LMAN2: variants seen among roughly 807,000 people sequenced by gnomAD.
LMAN2 encodes lectin, mannose binding 2.
In LMAN2, 22 loss-of-function variants were observed where a neutral mutation model predicts 39.3. The observed-to-expected ratio is 0.56, with a 90% CI of 0.40 to 0.80. The LOEUF (loss-of-function observed/expected upper bound fraction) is 0.80, where lower values mean the gene tolerates loss of function less well. LMAN2 is among the 30% of genes least tolerant of loss of function. LMAN2 has a pLI of 0.00. For synonymous variants in LMAN2, 207 were observed against 207.8 expected, an observed-to-expected ratio of 1.00 and a Z score of 0.03; for missense variants, 494 against 505.4, an observed-to-expected ratio of 0.98 and a Z score of 0.22.
At chr5:177,346,408 AC>A in intron 2 of LMAN2, 1 of 716,504 alleles carries the variant, frequency 1.4e-6, no homozygotes, top group Non-Finnish European at 1.9e-6. Context: ...GGTGGAAGTC[AC>A]CATTGCAGAT....
chr5:177,338,405 A>C, intron 3 of LMAN2, 83 bp downstream of exon 3: 1 of 1,095,382 alleles, frequency 9.1e-7, no homozygotes, highest in Non-Finnish European at 1.4e-6. Flanking sequence ...AGCCACAGGC[A>C]GCCCCACCCC....
intron 2 of LMAN2, among the ~76,000 whole-genome samples, chr5:177,342,502 C>A (rs1476097848): frequency 6.6e-6 from 1 of 151,964 alleles, no homozygotes; most frequent in Admixed American, 6.6e-5. Context: ...CCAGGCAACA[C>A]GGTGAAAACC....
intron 6 of LMAN2, among the ~76,000 whole-genome samples, chr5:177,335,902 G>A (rs944864808): frequency 4.6e-5 from 7 of 152,158 alleles, no homozygotes; most frequent in African/African-American, 1.4e-4. Flanking sequence ...CCTGCTCAGG[G>A]CCCCAAAGAG....
Position 177,332,152 on chromosome 5 carries a change from A to C in LMAN2, c.1005T>G (p.Val335=). 1 of 1,613,600 alleles carries C rather than the reference A, an allele frequency of 6.2e-7. No homozygotes were observed. Among genetic ancestry groups the C allele is most frequent in the Non-Finnish European group, 8.5e-7 (1 of 1,179,938 alleles). ...CCACGGCCCCCACCACGGCGCAGACAACGATGCCCAGGAGAGCGCACAGCA... is the reference window on the plus strand; with the variant it reads ...CCACGGCCCCCACCACGGCGCAGACCACGATGCCCAGGAGAGCGCACAGCA... ...LLLLCALLGI[V]VCAVVGAVVF... The change falls in exon 8 of 8, where the codon GTT becomes GTG. Residue 335 remains valine (V), a synonymous_variant. Coordinates refer to ENST00000303127, the MANE Select transcript of LMAN2 (RefSeq NM_006816.3). This position sits in a 1 kb window ranked among gnomAD's most constrained non-coding sequence, Gnocchi z 6.3.
intron 6 of LMAN2, among the ~76,000 whole-genome samples, chr5:177,335,795 C>CA (rs1306885467): frequency 6.6e-6 from 1 of 152,216 alleles, no homozygotes; most frequent in African/African-American, 2.4e-5. Context: ...GGGCAGACTA[C>CA]AGGCCCTGGA....
In LMAN2 at chr5:177,331,870, A is replaced by T; in HGVS notation, c.*216T>A. 1 of 520,762 alleles carries T rather than the reference A, an allele frequency of 1.9e-6. No homozygotes were observed. The highest frequency in any genetic ancestry group is 3.4e-6 in the Non-Finnish European group (1 of 297,438). 32.3% of individuals were successfully genotyped at this position (520,762 alleles called of 1,614,324 possible). A position where few individuals can be genotyped will look rare whatever the true frequency, so the allele number is the denominator to read the frequency against. On this transcript the variant is annotated 3_prime_UTR_variant, in exon 8 of 8. Coordinates refer to ENST00000303127, the MANE Select transcript of LMAN2 (RefSeq NM_006816.3). ...GCTCCTGAGACACCAGCCCCAGGAG[A>T]GCCTCCGTCTCCAGCTGTGGGGGGT...
rs769801427 is a variant in LMAN2 at position 177,342,707 on chromosome 5, CA to C, written c.316-4103del. Among the ~76,000 whole-genome samples the C allele has an allele frequency of 5.4e-5, 8 of 148,458 alleles. No individual in the cohort carries two copies. The South Asian group carries it at 1.5e-3, about 28-fold the overall frequency. The stretch of plus-strand genomic sequence containing the variant: ...CCTCAAAAAACAATAAACAAACCAA[CA>C]AAAAAACCCTTTAAAACTCTTAGAA... On this transcript the variant is annotated intron_variant, in intron 2 of 7. Transcript: ENST00000303127.
chr5:177,340,990 T>C (rs1418472944), intron 2 of LMAN2, among the ~76,000 whole-genome samples: 2 of 151,420 alleles, frequency 1.3e-5, no homozygotes, highest in Non-Finnish European at 1.5e-5. Context: ...CTCCTGACCT[T>C]GTGATCCGCC....
At chr5:177,341,777 TAA>T (rs1761557423) in intron 2 of LMAN2, among the ~76,000 whole-genome samples, 1 of 152,202 alleles carries the variant, frequency 6.6e-6, no homozygotes, top group Non-Finnish European at 1.5e-5. Flanking sequence ...TTGTGTGATT[TAA>T]AACAGAAATA....
chr5:177,345,846 C>T (rs1487162793), intron 2 of LMAN2, among the ~76,000 whole-genome samples: 4 of 152,060 alleles, frequency 2.6e-5, no homozygotes, highest in East Asian at 3.8e-4. Flanking sequence ...CAGCTCTCTG[C>T]TACTTCTGCC....
chr5:177,332,818 C>A lies in LMAN2; in HGVS notation c.911-572G>T, dbSNP rs891353659. Among the ~76,000 whole-genome samples, 1 of 152,168 alleles carries A rather than the reference C, an allele frequency of 6.6e-6. No homozygotes were observed. The highest frequency in any genetic ancestry group is 2.4e-5 in the African/African-American group (1 of 41,444). ...CCACTGGTACGCTCCCTTGTACAGG[C>A]GGAGAGAAGACACTGACTTTCCCAA... On this transcript the variant is annotated intron_variant, in intron 7 of 7. Transcript: ENST00000303127. This position sits in a 1 kb window ranked among gnomAD's most constrained non-coding sequence, Gnocchi z 6.3.
At position 177,332,014 on chromosome 5, in the gene LMAN2, T is replaced by C; in HGVS notation, c.*72A>G. The C allele has an allele frequency of 7.0e-7, 1 of 1,418,574 alleles. No homozygotes were observed. The highest frequency in any genetic ancestry group is 9.6e-7 in the Non-Finnish European group (1 of 1,044,508). 87.9% of individuals were successfully genotyped at this position (1,418,574 alleles called of 1,614,324 possible). On this transcript the variant is annotated 3_prime_UTR_variant, in exon 8 of 8. Coordinates refer to ENST00000303127, the MANE Select transcript of LMAN2 (RefSeq NM_006816.3). The surrounding 1 kb of genome is among the most constrained non-coding windows in gnomAD (Gnocchi z 6.3). ...GAAATAAGGTCATCTTGTTGTTCTT[T>C]TATAATCCCGGTAAAAAAAAAAGTT...
chr5:177,351,474 A>G lies in LMAN2; in HGVS notation c.174T>C (p.His58=). The G allele has an allele frequency of 1.2e-6, 2 of 1,613,588 alleles. No homozygotes were observed. The highest frequency in any genetic ancestry group is 1.7e-6 in the Non-Finnish European group (2 of 1,179,758). The part of the protein sequence containing the change: ...DGNSEHLKRE[H]SLIKPYQGVG... ...CACCTTGGTAGGGCTTAATGAGCGA[A>G]TGCTCCCGCTTGAGATGTTCACTGT... Residue 58 remains histidine, a synonymous_variant, in exon 1 of 8, where the codon CAT becomes CAC. Transcript: ENST00000303127.
In LMAN2 at chr5:177,337,491, T is replaced by C. The variant is rs1257503300; in HGVS notation, c.547A>G (p.Asn183Asp). 1.2e-6 allele frequency: 2 copies of C among 1,613,750 alleles called. No homozygotes were observed. The highest frequency in any genetic ancestry group is 1.3e-5 in the African/African-American group (1 of 74,842). ...VFPYISVMVN[N>D]GSLSYDHSKD... ...CTGTGGTCGTAGGACAGGGAGCCAT[T>C]GTTCACCATCACCGAGATGTACGGG... Residue 183 changes from asparagine to aspartate, a missense_variant, in exon 5 of 8, where the codon AAT becomes GAT. Asn to Asp is a conservative substitution (Grantham distance 23). Transcript: ENST00000303127. The surrounding 1 kb of genome is among the most constrained non-coding windows in gnomAD (Gnocchi z 8.2).
Position 177,332,355 on chromosome 5 carries a change from C to G in LMAN2, c.911-109G>C. On this transcript the variant is annotated intron_variant, in intron 7 of 7. Transcript: ENST00000303127. This position sits in a 1 kb window ranked among gnomAD's most constrained non-coding sequence, Gnocchi z 6.3. ...GGACAGCCGGCCACGGTGGGCAGGC[C>G]GGTCGTACTCACCCCCCTCACCGGG... 1.0e-6 allele frequency: 1 copy of G among 1,002,212 alleles called. No homozygotes were observed. Among genetic ancestry groups the G allele is most frequent in the Non-Finnish European group, 1.5e-6 (1 of 680,018 alleles). 62.1% of individuals were successfully genotyped at this position (1,002,212 alleles called of 1,614,324 possible).
intron 2 of LMAN2, among the ~76,000 whole-genome samples, chr5:177,344,735 C>T (rs1374233486): frequency 2.0e-5 from 3 of 151,150 alleles, no homozygotes; most frequent in South Asian, 2.1e-4. Context: ...GGTGAAACCT[C>T]GTCCTACTAA....
intron 6 of LMAN2, among the ~76,000 whole-genome samples, chr5:177,335,156 G>A (rs189762196): frequency 1.2e-3 from 183 of 152,302 alleles, no homozygotes; most frequent in Non-Finnish European, 2.0e-3. Flanking sequence ...TGGAGCCAAG[G>A]GGGGACCTAA....
chr5:177,351,303 G>A lies in LMAN2; in HGVS notation c.197-12C>T. On this transcript the variant is annotated splice_polypyrimidine_tract_variant and intron_variant, in intron 1 of 7. Transcript: ENST00000303127. ...GCTGGAACCGACCCCTGTGGGAAGA[G>A]ACAGGTGCTAAGAGGCCACGCCAGG... is the stretch of plus-strand genomic sequence containing the variant. The A allele has an allele frequency of 1.2e-6, 2 of 1,613,476 alleles. No individual in the cohort carries two copies. Among genetic ancestry groups the A allele is most frequent in the Non-Finnish European group, 1.7e-6 (2 of 1,179,832 alleles).
chr5:177,349,331 G>A (rs1761688064), intron 2 of LMAN2, among the ~76,000 whole-genome samples: 1 of 152,192 alleles, frequency 6.6e-6, no homozygotes, highest in African/African-American at 2.4e-5. Flanking sequence ...AGATAAAAAA[G>A]GGAAAAGTTT....
Sources: gnomAD v4.1 joint callset for allele counts (sites outside exome capture counted in the v4.1 genomes callset) on GRCh38, gnomAD v4.1.1 for gene constraint, Gnocchi (gnomAD v3.1) non-coding constraint, MANE v1.5 for transcripts, NCBI Gene and HGNC (gene_info 2026-07-23, HGNC 2026-07-21) for gene names.